GRID2: variants seen among roughly 807,000 people sequenced by gnomAD.
GRID2 encodes the protein glutamate ionotropic receptor delta type subunit 2.
Under a neutral mutation model 114.8 loss-of-function variants are expected in GRID2, and 33 were observed. The observed-to-expected ratio is 0.29, with a 90% CI of 0.22 to 0.38. The LOEUF is 0.38. Ranked by LOEUF, GRID2 falls within the 10% of genes least tolerant of loss-of-function variation. The pLI is 1.00. For synonymous variants in GRID2, 505 were observed against 449.9 expected (o/e 1.12, Z -1.55); for missense variants, 1,184 against 1,257.7 (o/e 0.94, Z 0.89).
At chr4:92,791,974 T>G (rs1343191028) in intron 2 of GRID2, among the ~76,000 whole-genome samples, 3 of 151,868 alleles carry the variant, frequency 2.0e-5, no homozygotes, top group Non-Finnish European at 4.4e-5. Context: ...ATGGATATAC[T>G]TAAATAAACT....
intron 8 of GRID2, among the ~76,000 whole-genome samples, chr4:93,334,130 T>C (rs1407721319): frequency 6.6e-6 from 1 of 152,228 alleles, no homozygotes; most frequent in Non-Finnish European, 1.5e-5. Flanking sequence ...AAAGTAGCTC[T>C]TCTAGGTCAC....
At chr4:92,595,637 G>T (rs1272555657) in intron 2 of GRID2, among the ~76,000 whole-genome samples, 1 of 151,878 alleles carries the variant, frequency 6.6e-6, no homozygotes, top group Non-Finnish European at 1.5e-5. Flanking sequence ...ATAATTTCCA[G>T]TATATGATTA....
chr4:93,769,202 A>G lies in GRID2; in HGVS notation c.2361-8A>G. ...GTAATAACACATGCTTATGTTCTTTATCCCAAGGATCCTGGAGCTTCAGCA... is the reference window on the plus strand; with the variant it reads ...GTAATAACACATGCTTATGTTCTTTGTCCCAAGGATCCTGGAGCTTCAGCA... On this transcript the variant is annotated splice_polypyrimidine_tract_variant and splice_region_variant and intron_variant, in intron 14 of 15. Transcript: ENST00000282020. The G allele has an allele frequency of 1.9e-6, 3 of 1,613,814 alleles. No homozygotes were observed. Among genetic ancestry groups the G allele is most frequent in the Non-Finnish European group, 2.5e-6 (3 of 1,179,746 alleles).
chr4:93,451,666 G>GGTCT (rs1722699000), intron 10 of GRID2, among the ~76,000 whole-genome samples: 1 of 152,094 alleles, frequency 6.6e-6, no homozygotes, highest in Admixed American at 6.6e-5. Flanking sequence ...TGAAGAGGAA[G>GGTCT]AAAGGTAGAT....
chr4:93,785,742 G>T (rs1378411016), intron 1 of GRID2, among the ~76,000 whole-genome samples: 2 of 152,130 alleles, frequency 1.3e-5, no homozygotes, highest in Non-Finnish European at 2.9e-5. Context: ...AGAAACTTCG[G>T]GAATGGGAAA....
intron 2 of GRID2, among the ~76,000 whole-genome samples, chr4:92,934,132 C>T (rs1034092857): frequency 6.6e-6 from 1 of 151,644 alleles, no homozygotes; most frequent in Non-Finnish European, 1.5e-5. Flanking sequence ...ATTTAAATGC[C>T]ATTTTCATAA....
At chr4:93,322,375 C>T (rs1389965828) in intron 8 of GRID2, among the ~76,000 whole-genome samples, 1 of 152,114 alleles carries the variant, frequency 6.6e-6, no homozygotes, top group Non-Finnish European at 1.5e-5. Flanking sequence ...AGGACATGAA[C>T]TCATCATTTT....
intron 2 of GRID2, among the ~76,000 whole-genome samples, chr4:92,984,103 A>C (rs539244741): frequency 6.6e-6 from 1 of 152,290 alleles, no homozygotes; most frequent in South Asian, 2.1e-4. Flanking sequence ...AGCTATAAAT[A>C]TTTTTCATAA....
intron 1 of GRID2, among the ~76,000 whole-genome samples, chr4:92,321,134 A>G: frequency 6.6e-6 from 1 of 152,214 alleles, no homozygotes; most frequent in South Asian, 2.1e-4. Context: ...ATAATTAGCT[A>G]GAGGAAAGGA....
intron 14 of GRID2, among the ~76,000 whole-genome samples, chr4:93,741,555 C>T (rs1258447450): frequency 6.6e-6 from 1 of 152,038 alleles, no homozygotes; most frequent in Non-Finnish European, 1.5e-5. Context: ...CTGGCATTAA[C>T]AGATGTCCAT....
chr4:93,067,963 G>A (rs1728455941), intron 2 of GRID2, among the ~76,000 whole-genome samples: 1 of 151,808 alleles, frequency 6.6e-6, no homozygotes. Flanking sequence ...GATTAATGTT[G>A]AATAGCCTAG....
chr4:92,346,746 TTTCCC>T (rs1331181310), intron 1 of GRID2, among the ~76,000 whole-genome samples: 1 of 152,214 alleles, frequency 6.6e-6, no homozygotes, highest in African/African-American at 2.4e-5. Flanking sequence ...TTTGTACTCT[TTTCCC>T]ATTCCATTGG....
intron 7 of GRID2, among the ~76,000 whole-genome samples, chr4:93,228,061 T>C (rs190672857): frequency 6.6e-6 from 1 of 152,326 alleles, no homozygotes; most frequent in East Asian, 1.9e-4. Context: ...TCTACCTTTA[T>C]GCAGTTCCAA....
intron 14 of GRID2, among the ~76,000 whole-genome samples, chr4:93,764,666 A>G (rs907324396): frequency 1.3e-4 from 20 of 152,152 alleles, no homozygotes; most frequent in African/African-American, 4.8e-4. Context: ...TATACTCCAA[A>G]AAGAGATTTT....
intron 2 of GRID2, among the ~76,000 whole-genome samples, chr4:92,898,222 C>T (rs1433451436): frequency 6.6e-6 from 1 of 152,070 alleles, no homozygotes; most frequent in South Asian, 2.1e-4. Context: ...CATATCCATC[C>T]TTTCTTCCCC....
At position 92,308,735 on chromosome 4, in the gene GRID2, T is replaced by C. The variant is rs572223882; in HGVS notation, c.88+3991T>C. 1.4e-4 allele frequency among the ~76,000 whole-genome samples: 22 copies of C among 152,066 alleles called. No homozygotes were observed. In the South Asian group the frequency reaches 4.6e-3, roughly 32 times the overall value. ...ATTCCCAGAAGATGTGCTGTTCTTT[T>C]ACCATTTTTTTTTTTCAGTTGACTA... On this transcript the variant is annotated intron_variant, in intron 1 of 15. Coordinates refer to ENST00000282020, the MANE Select transcript of GRID2 (RefSeq NM_001510.4).
In GRID2 at chr4:93,697,880, T is replaced by TATATATATATATATATATATATATA. The variant is rs1208336606; in HGVS notation, c.2361-71330_2361-71329insATATATATATATATATATATATATA. Among the ~76,000 whole-genome samples, 44 of 147,776 alleles carry TATATATATATATATATATATATATA rather than the reference T, an allele frequency of 3.0e-4. 2 individuals are homozygous for TATATATATATATATATATATATATA. The highest frequency in any genetic ancestry group is 5.4e-4 in the Admixed American group (8 of 14,790). On this transcript the variant is annotated intron_variant, in intron 14 of 15. Transcript: ENST00000282020. ...ATTCCACAATGTGTGTATATATATA[T>TATATATATATATATATATATATATA]TTCAAAACAATACGTTGTACACGAT...
chr4:93,339,071 CAACA>C (rs773542230), intron 8 of GRID2, among the ~76,000 whole-genome samples: 21 of 152,156 alleles, frequency 1.4e-4, no homozygotes, highest in Non-Finnish European at 1.9e-4. Context: ...GGCCTTCTGC[CAACA>C]AACAGAGCTC....
chr4:93,491,525 A>G (rs541365053), intron 12 of GRID2, among the ~76,000 whole-genome samples: 1 of 152,046 alleles, frequency 6.6e-6, no homozygotes, highest in South Asian at 2.1e-4. Context: ...ACACCACAGT[A>G]TAATTTCTGC....
Sources: gnomAD v4.1 joint callset for allele counts (sites outside exome capture counted in the v4.1 genomes callset) on GRCh38, gnomAD v4.1.1 for gene constraint, MANE v1.5 for transcripts, NCBI Gene and HGNC (gene_info 2026-07-23, HGNC 2026-07-21) for gene names.